The following CCNB1IP1 variants were observed in gnomAD, a reference collection of about 807,000 sequenced individuals.
CCNB1IP1 encodes cyclin B1 interacting protein 1, also known as E3 ubiquitin-protein ligase CCNB1IP1.
In CCNB1IP1, 14 loss-of-function variants were observed where a neutral mutation model predicts 25.6. The observed-to-expected ratio is 0.55, with a 90% CI of 0.36 to 0.85. CCNB1IP1 has a LOEUF of 0.85. CCNB1IP1 is among the 40% of genes least tolerant of loss of function. CCNB1IP1 has a pLI of 0.01. For missense variants in CCNB1IP1, 278 were observed against 342.4 expected (o/e 0.81, Z 1.48); for synonymous variants, 119 against 116.1 (o/e 1.02, Z -0.16).
Position 20,316,316 on chromosome 14 carries a change from C to G in CCNB1IP1, c.208G>C (p.Glu70Gln). Reference sequence around the variant, plus strand: ...GCCAATACCATAGCTTTATATTCCTCTGATGGACTGAGTTCTGTGCGGACA... The same window carrying G: ...GCCAATACCATAGCTTTATATTCCTGTGATGGACTGAGTTCTGTGCGGACA... ...DIVRTELSPS[E>Q]EYKAMVLAGL... The change falls in exon 5 of 7, where the codon GAG becomes CAG. Residue 70 changes from glutamate (E) to glutamine (Q), a missense_variant. Coordinates refer to ENST00000358932, the MANE Select transcript of CCNB1IP1 (RefSeq NM_021178.5). The G allele has an allele frequency of 6.2e-7, 1 of 1,613,960 alleles. No individual in the cohort carries two copies. The highest frequency in any genetic ancestry group is 8.5e-7 in the Non-Finnish European group (1 of 1,179,872).
chr14:20,316,583 G>T, intron 4 of CCNB1IP1, 23 bp from the exon 5 acceptor site: 1 of 1,383,382 alleles, frequency 7.2e-7, no homozygotes, highest in Non-Finnish European at 9.9e-7. Flanking sequence ...AAATAAAAAG[G>T]CCAAGTAAGT....
intron 5 of CCNB1IP1, chr14:20,314,265 A>G (rs1183273163): frequency 6.5e-6 from 1 of 153,848 alleles, no homozygotes; most frequent in Non-Finnish European, 1.4e-5. Context: ...TTGTCACTTC[A>G]TAAGTATATT....
chr14:20,311,848 A>AT (rs1188156013), intron 6 of CCNB1IP1, 96 bp from the exon 7 acceptor site: 6 of 632,874 alleles, frequency 9.5e-6, no homozygotes, highest in East Asian at 3.2e-5. Flanking sequence ...ATGAATATAT[A>AT]TTTTTTCTCC....
intron 4 of CCNB1IP1, among the ~76,000 whole-genome samples, chr14:20,317,362 C>T (rs993551078): frequency 3.3e-5 from 5 of 151,910 alleles, no homozygotes; most frequent in African/African-American, 1.2e-4. Context: ...GCCGGGATCG[C>T]GCCATTGCAC....
At chr14:20,315,090 C>CAA (rs546805664) in intron 5 of CCNB1IP1, among the ~76,000 whole-genome samples, 59 of 24,330 alleles carry the variant, frequency 2.4e-3, no homozygotes, top group East Asian at 7.5e-3. Flanking sequence ...GACTCCGTCT[C>CAA]AAAAAAAAAA....
rs1566400159 is a variant in CCNB1IP1 at position 20,316,499 on chromosome 14, G to A, written c.25C>T (p.Leu9Phe). The A allele has an allele frequency of 6.2e-7, 1 of 1,609,310 alleles. No homozygotes were observed. The highest frequency in any genetic ancestry group is 1.3e-5 in the African/African-American group (1 of 75,030). The change falls in exon 5 of 7, where the codon CTT becomes TTT. Residue 9 changes from leucine to phenylalanine, a missense_variant. Leu to Phe is a conservative substitution (Grantham distance 22). Transcript: ENST00000358932. ...ATGCGACACTTTCGATAATTACAAA[G>A]CAGCATGTCTTCACACAAAGACATA... MSLCEDMLLCNYRKCRIKL... is the reference protein window; with the variant it reads MSLCEDMLFCNYRKCRIKL...
intron 5 of CCNB1IP1, chr14:20,314,613 T>C (rs983070118): frequency 5.3e-5 from 8 of 152,068 alleles, no homozygotes; most frequent in African/African-American, 1.9e-4. Context: ...TAAGCAGGAC[T>C]TCATTAAACT....
At chr14:20,328,967 G>A (rs549468459) in intron 2 of CCNB1IP1, among the ~76,000 whole-genome samples, 1 of 152,200 alleles carries the variant, frequency 6.6e-6, no homozygotes, top group Non-Finnish European at 1.5e-5. Flanking sequence ...ATAGCCAAAA[G>A]GTACATTTTA....
At chr14:20,315,840 T>TA (rs766187375) in intron 5 of CCNB1IP1, 21 of 965,684 alleles carry the variant, frequency 2.2e-5, no homozygotes, top group South Asian at 2.1e-4. Context: ...ACCCAGGAGT[T>TA]AGAGACTAGC....
intron 1 of CCNB1IP1, among the ~76,000 whole-genome samples, chr14:20,329,882 G>A (rs10150181): frequency 3.1e-4 from 47 of 152,042 alleles, no homozygotes; most frequent in African/African-American, 1.1e-3. Flanking sequence ...GGTAAGTTAT[G>A]CAACTTCTCT....
intron 4 of CCNB1IP1, among the ~76,000 whole-genome samples, 161 bp downstream of exon 4, chr14:20,325,378 G>A (rs1284472740): frequency 3.5e-5 from 5 of 144,486 alleles, no homozygotes; most frequent in Admixed American, 7.0e-5. Context: ...CCGAGATCCC[G>A]CCACTGCACT....
In CCNB1IP1 at chr14:20,313,489, C is replaced by T. The variant is rs1207876894; in HGVS notation, c.610G>A (p.Gly204Ser). The T allele has an allele frequency of 6.3e-7, 1 of 1,593,940 alleles. No homozygotes were observed. The highest frequency in any genetic ancestry group is 1.4e-5 in the African/African-American group (1 of 73,904). ...TTACCTAATGGGAAGCCAAGAACAC[C>T]AGACTGTGCAATCATGGATGGTTCA... ...TLEPSMIAQSGVLGFPLGNNS... is the reference protein window; with the variant it reads ...TLEPSMIAQSSVLGFPLGNNS... The change falls in exon 6 of 7, where the codon GGT becomes AGT. Residue 204 changes from glycine to serine, a missense_variant. Physicochemically the swap from Gly to Ser is moderately conservative, Grantham distance 56. Transcript: ENST00000358932.
chr14:20,315,289 T>G (rs1266274469), intron 5 of CCNB1IP1, among the ~76,000 whole-genome samples: 1 of 152,128 alleles, frequency 6.6e-6, no homozygotes, highest in African/African-American at 2.4e-5. Context: ...TACCAACTTC[T>G]GGCAAAGATG....
chr14:20,317,419 G>A (rs926576209), intron 4 of CCNB1IP1, among the ~76,000 whole-genome samples: 16 of 152,010 alleles, frequency 1.1e-4, no homozygotes, highest in Non-Finnish European at 1.6e-4. Flanking sequence ...AAAAAAAGTT[G>A]CCTTGGCCCT....
intron 4 of CCNB1IP1, chr14:20,320,152 A>T (rs1283245133): frequency 3.3e-6 from 1 of 305,194 alleles, no homozygotes; most frequent in Non-Finnish European, 6.5e-6. Context: ...AGTGTACACA[A>T]ATTTATCAAC....
intron 2 of CCNB1IP1, among the ~76,000 whole-genome samples, 185 bp downstream of exon 2, chr14:20,328,989 A>C (rs1883158761): frequency 6.6e-6 from 1 of 152,240 alleles, no homozygotes; most frequent in South Asian, 2.1e-4. Flanking sequence ...ATGTGTGAAC[A>C]GATGCTTCAT....
At chr14:20,329,666 C>G (rs944122255) in intron 1 of CCNB1IP1, among the ~76,000 whole-genome samples, 1 of 152,160 alleles carries the variant, frequency 6.6e-6, no homozygotes, top group Non-Finnish European at 1.5e-5. Flanking sequence ...ATAGGTATCT[C>G]TGACATACTA....
chr14:20,329,970 A>C (rs1234389850), intron 1 of CCNB1IP1, among the ~76,000 whole-genome samples: 1 of 152,170 alleles, frequency 6.6e-6, no homozygotes, highest in Non-Finnish European at 1.5e-5. Flanking sequence ...CTGAGGTAAT[A>C]AATACATTTT....
rs768861275 is a variant in CCNB1IP1, at chr14:20,311,622, A to T, written c.762T>A (p.Ser254Arg). ...TAPEPSNSFF[S>R]FVSPSRELEQ... is the part of the protein sequence containing the mutation. Reference sequence around the variant, plus strand: ...CTAATTCACGACTTGGAGAGACAAAACTAAAAAAGCTGTTGCTGGGTTCAG... The same window carrying T: ...CTAATTCACGACTTGGAGAGACAAATCTAAAAAAGCTGTTGCTGGGTTCAG... The change falls in exon 7 of 7, where the codon AGT (serine) becomes AGA (arginine). Residue 254 changes from serine (S) to arginine (R), a missense_variant. Transcript: ENST00000358932. The T allele has an allele frequency of 6.2e-7, 1 of 1,614,100 alleles. No individual in the cohort carries two copies. Among genetic ancestry groups the T allele is most frequent in the South Asian group, 1.1e-5 (1 of 91,086 alleles).
Sources: allele counts gnomAD v4.1 joint callset (sites outside exome capture counted in the v4.1 genomes callset), GRCh38; gene constraint gnomAD v4.1.1; transcripts MANE v1.5; gene names NCBI Gene and HGNC (gene_info 2026-07-23, HGNC 2026-07-21).